SRPK2: variants seen among roughly 807,000 people sequenced by gnomAD.
SRPK2 encodes SRSF protein kinase 2.
A neutral mutation model predicts 90.8 loss-of-function variants in SRPK2; 21 were observed. The observed-to-expected ratio is 0.23, with a 90% CI of 0.16 to 0.33. The LOEUF is 0.33. SRPK2 is among the 10% of genes least tolerant of loss of function. The pLI is 1.00. For missense variants in SRPK2, 620 were observed against 869.0 expected (o/e 0.71, Z 3.60); for synonymous variants, 288 against 311.1 (o/e 0.93, Z 0.78).
intron 2 of SRPK2, among the ~76,000 whole-genome samples, chr7:105,269,313 T>C (rs1273387768): frequency 6.6e-6 from 1 of 152,064 alleles, no homozygotes; most frequent in African/African-American, 2.4e-5. Flanking sequence ...CCCTAAAAAA[T>C]ATGGCTCAGT....
At chr7:105,355,345 AT>A (rs56868005) in intron 2 of SRPK2, among the ~76,000 whole-genome samples, 8 of 146,384 alleles carry the variant, frequency 5.5e-5, no homozygotes, top group East Asian at 1.9e-4. Flanking sequence ...AAAAAAAAAA[AT>A]TTTTTTTTCA....
rs189578774 is a variant in SRPK2, at chr7:105,192,116, G to C, written c.229+11512C>G. On this transcript the variant is annotated intron_variant, in intron 3 of 15. Coordinates refer to ENST00000393651, the MANE Select transcript of SRPK2 (RefSeq NM_182692.3). ...AGGTGGTGTTTGGTTACATGAGTAA[G>C]TTCTTTAGTGGTGATTTGTGAGATT... Among the ~76,000 whole-genome samples, 43 of 150,710 alleles carry C rather than the reference G, an allele frequency of 2.9e-4. No individual in the cohort carries two copies. The East Asian group carries it at 8.2e-3, about 29-fold the overall frequency.
At chr7:105,378,081 T>C (rs966844468) in intron 2 of SRPK2, among the ~76,000 whole-genome samples, 1 of 152,110 alleles carries the variant, frequency 6.6e-6, no homozygotes, top group Non-Finnish European at 1.5e-5. Flanking sequence ...TACCACACCC[T>C]GCACTCCAGC....
intron 11 of SRPK2, among the ~76,000 whole-genome samples, chr7:105,135,412 C>A (rs189119599): frequency 2.6e-5 from 4 of 152,264 alleles, no homozygotes; most frequent in South Asian, 4.1e-4. Flanking sequence ...GGCAGAGGCT[C>A]CCAACTGGTC....
chr7:105,218,421 T>TA (rs1554462393), intron 2 of SRPK2, among the ~76,000 whole-genome samples: 2 of 152,182 alleles, frequency 1.3e-5, no homozygotes, highest in African/African-American at 4.8e-5. Flanking sequence ...AGGTGACTGA[T>TA]ACACACCCAT....
At chr7:105,249,531 T>C (rs1294459066) in intron 2 of SRPK2, among the ~76,000 whole-genome samples, 1 of 152,134 alleles carries the variant, frequency 6.6e-6, no homozygotes, top group Non-Finnish European at 1.5e-5. Context: ...TTGTACTAAG[T>C]TCCCAGACTC....
chr7:105,144,704 T>G (rs1053955088), intron 9 of SRPK2, among the ~76,000 whole-genome samples: 1 of 152,162 alleles, frequency 6.6e-6, no homozygotes, highest in Non-Finnish European at 1.5e-5. Flanking sequence ...ATACTTCAAC[T>G]CCATCACCTC....
chr7:105,133,259 T>C (rs539431072), intron 11 of SRPK2, among the ~76,000 whole-genome samples, 155 bp from the exon 12 acceptor site: 2 of 152,270 alleles, frequency 1.3e-5, no homozygotes, highest in East Asian at 3.9e-4. Context: ...AGAACTAAAA[T>C]TGCTTGTTCT....
At chr7:105,300,121 C>T (rs1810345271) in intron 2 of SRPK2, among the ~76,000 whole-genome samples, 1 of 151,362 alleles carries the variant, frequency 6.6e-6, no homozygotes, top group African/African-American at 2.4e-5. Flanking sequence ...CAATACATGG[C>T]GTGCATCTGT....
intron 6 of SRPK2, among the ~76,000 whole-genome samples, chr7:105,162,936 C>T (rs775091095): frequency 1.5e-4 from 23 of 152,176 alleles, no homozygotes; most frequent in Non-Finnish European, 2.9e-4. Context: ...CCTTGCAAGT[C>T]GGACACAGAA....
At chr7:105,261,523 A>G (rs1376190205) in intron 2 of SRPK2, among the ~76,000 whole-genome samples, 1 of 151,842 alleles carries the variant, frequency 6.6e-6, no homozygotes, top group Non-Finnish European at 1.5e-5. Flanking sequence ...TCGAGACTCC[A>G]TCTCAAAAAA....
intron 11 of SRPK2, among the ~76,000 whole-genome samples, chr7:105,135,036 G>A (rs1802585035): frequency 6.6e-6 from 1 of 152,176 alleles, no homozygotes; most frequent in Non-Finnish European, 1.5e-5. Context: ...TTCACCTGGG[G>A]CTGAGAACAG....
upstream of SRPK2, among the ~76,000 whole-genome samples, chr7:105,393,583 TG>T (rs1357393046): frequency 6.7e-6 from 1 of 148,376 alleles, no homozygotes; most frequent in Non-Finnish European, 1.5e-5. Context: ...ACTATTTTTT[TG>T]TTGTTTTCAG....
Position 105,366,435 on chromosome 7 carries a change from T to C in SRPK2, c.71+22213A>G, listed in dbSNP as rs573427483. 7.3e-5 allele frequency among the ~76,000 whole-genome samples: 11 copies of C among 149,852 alleles called. No homozygotes were observed. The South Asian group carries it at 2.3e-3, about 32-fold the overall frequency. On this transcript the variant is annotated intron_variant, in intron 2 of 15. Coordinates refer to ENST00000393651, the MANE Select transcript of SRPK2 (RefSeq NM_182692.3). ...CACAGGCTGGAATGCAGTGGCATGA[T>C]CTTGACTCACTGCAACCTCTGCCTC...
intron 6 of SRPK2, among the ~76,000 whole-genome samples, chr7:105,167,117 T>C (rs1030898711): frequency 6.6e-6 from 1 of 152,158 alleles, no homozygotes; most frequent in African/African-American, 2.4e-5. Flanking sequence ...CCACTATTAA[T>C]GGGAAGAGAT....
chr7:105,127,590 G>C (rs1562958936), intron 13 of SRPK2, among the ~76,000 whole-genome samples: 1 of 152,102 alleles, frequency 6.6e-6, no homozygotes, highest in African/African-American at 2.4e-5. Flanking sequence ...GGAAAACCTG[G>C]AAACAAAAAA....
chr7:105,386,253 G>A (rs987757319), intron 2 of SRPK2, among the ~76,000 whole-genome samples: 2 of 148,260 alleles, frequency 1.3e-5, no homozygotes, highest in African/African-American at 5.0e-5. Context: ...GGCGGAGCTT[G>A]CAGTGAGCCG....
intron 3 of SRPK2, among the ~76,000 whole-genome samples, chr7:105,201,815 T>A (rs1795596787): frequency 6.6e-6 from 1 of 151,782 alleles, no homozygotes; most frequent in African/African-American, 2.4e-5. Context: ...GCCCAGGAGG[T>A]TGAGGCTGCA....
intron 9 of SRPK2, 116 bp from the exon 10 acceptor site, chr7:105,143,446 T>A: frequency 1.5e-6 from 2 of 1,331,140 alleles, no homozygotes; most frequent in Non-Finnish European, 2.0e-6. Context: ...CATATTCTAT[T>A]AAAATCCCAA....
Sources: gnomAD v4.1 joint callset for allele counts (sites outside exome capture counted in the v4.1 genomes callset) on GRCh38, gnomAD v4.1.1 for gene constraint, MANE v1.5 for transcripts, NCBI Gene and HGNC (gene_info 2026-07-23, HGNC 2026-07-21) for gene names.